Variants in UVRAG observed in about 807,000 individuals in gnomAD.
UVRAG encodes the protein UV radiation resistance-associated gene protein.
A neutral mutation model predicts 78.0 loss-of-function variants in UVRAG; 19 were observed. The observed-to-expected ratio is 0.24, with a 90% CI of 0.17 to 0.36. The LOEUF (loss-of-function observed/expected upper bound fraction) is 0.36, where lower values mean the gene tolerates loss of function less well. Among genes scored for constraint, UVRAG ranks in the 10% least tolerant of loss-of-function variants. UVRAG has a pLI of 1.00. For synonymous variants in UVRAG, 323 were observed against 324.6 expected, an observed-to-expected ratio of 1.00 and a Z score of 0.05; for missense variants, 740 against 853.8, an observed-to-expected ratio of 0.87 and a Z score of 1.66.
intron 2 of UVRAG, among the ~76,000 whole-genome samples, chr11:75,854,136 A>C (rs1470762721): frequency 6.6e-6 from 1 of 152,220 alleles, no homozygotes; most frequent in Non-Finnish European, 1.5e-5. Context: ...TATTGTAACA[A>C]ATACCACAAC....
At chr11:75,837,423 T>A (rs1430860061) in intron 1 of UVRAG, 1 of 152,148 alleles carries the variant, frequency 6.6e-6, no homozygotes, top group Non-Finnish European at 1.5e-5. Context: ...TCCTGTAGAC[T>A]TTAAATCATC....
rs116197701 is a variant in UVRAG at position 76,029,212 on chromosome 11, G to A, written c.1226+12232G>A. The stretch of plus-strand genomic sequence containing the variant: ...GGCCCCTGTTGAGACCTACGGCTCA[G>A]AAAAAAATATTCCTTTCAAAATATT... On this transcript the variant is annotated intron_variant, in intron 12 of 14. Coordinates refer to ENST00000356136, the MANE Select transcript of UVRAG (RefSeq NM_003369.4). Among the ~76,000 whole-genome samples the A allele has an allele frequency of 4.8e-3, 733 of 152,218 alleles. 4 individuals are homozygous for A. The highest frequency in any genetic ancestry group is 0.016 in the African/African-American group (682 of 41,544).
chr11:75,875,968 C>G (rs760299508), intron 3 of UVRAG, among the ~76,000 whole-genome samples: 7 of 152,038 alleles, frequency 4.6e-5, no homozygotes, highest in Non-Finnish European at 7.4e-5. Context: ...GAGCCCATGA[C>G]TTAGAGACCA....
intron 14 of UVRAG, among the ~76,000 whole-genome samples, chr11:76,120,569 C>T (rs1952255567): frequency 6.6e-6 from 1 of 152,170 alleles, no homozygotes. Context: ...ACCCATTAAG[C>T]TCCAAGCTCA....
chr11:76,003,100 A>G (rs1449954595), intron 8 of UVRAG, among the ~76,000 whole-genome samples: 1 of 151,910 alleles, frequency 6.6e-6, no homozygotes, highest in Non-Finnish European at 1.5e-5. Flanking sequence ...GAATTGAGGT[A>G]TGAGGGTATC....
intron 13 of UVRAG, among the ~76,000 whole-genome samples, chr11:76,079,529 T>A (rs543052442): frequency 6.6e-6 from 1 of 152,114 alleles, no homozygotes; most frequent in African/African-American, 2.4e-5. Context: ...ACAAATAGTA[T>A]GCTTATATAT....
chr11:76,107,748 A>G (rs11820213), intron 13 of UVRAG, among the ~76,000 whole-genome samples: 21,032 of 151,730 alleles, frequency 0.14, 3,756 homozygotes, highest in African/African-American at 0.42. Context: ...TGAAAGAATT[A>G]CGTTTTCTTC....
chr11:76,137,440 C>G (rs560495361), intron 14 of UVRAG: 28 of 456,094 alleles, frequency 6.1e-5, no homozygotes, highest in African/African-American at 1.6e-4. Flanking sequence ...TCTTGTTCAA[C>G]TTTTTTAAGA....
At chr11:76,119,816 C>T (rs1323662691) in intron 14 of UVRAG, among the ~76,000 whole-genome samples, 1 of 152,232 alleles carries the variant, frequency 6.6e-6, no homozygotes, top group Non-Finnish European at 1.5e-5. Flanking sequence ...GTCCACTCTC[C>T]AAAGTAGCCA....
At chr11:76,053,680 T>C (rs76827497) in intron 12 of UVRAG, among the ~76,000 whole-genome samples, 2,059 of 152,096 alleles carry the variant, frequency 0.014, 51 homozygotes, top group African/African-American at 0.047. Context: ...TAAAAAGTTA[T>C]TATCCTCCCA....
intron 6 of UVRAG, among the ~76,000 whole-genome samples, chr11:75,938,852 T>C (rs1368646188): frequency 6.6e-6 from 1 of 152,224 alleles, no homozygotes; most frequent in African/African-American, 2.4e-5. Context: ...TCTTCAGTAC[T>C]GTGCCCTGAG....
intron 1 of UVRAG, among the ~76,000 whole-genome samples, chr11:75,829,318 G>A (rs771443527): frequency 6.6e-6 from 1 of 152,140 alleles, no homozygotes; most frequent in Non-Finnish European, 1.5e-5. Flanking sequence ...TAAAAAATTA[G>A]AAAGCTGCTT....
chr11:75,927,986 C>T (rs1330515097), intron 6 of UVRAG, among the ~76,000 whole-genome samples: 1 of 152,036 alleles, frequency 6.6e-6, no homozygotes, highest in African/African-American at 2.4e-5. Context: ...CCTGTAGTCC[C>T]AGCTACTTGG....
intron 13 of UVRAG, 134 bp downstream of exon 13, chr11:76,065,922 T>C (rs749022552): frequency 1.7e-4 from 112 of 674,780 alleles, no homozygotes; most frequent in Non-Finnish European, 2.5e-4. Context: ...TAATACACAG[T>C]TCTTTTTTTT....
chr11:76,083,200 G>A (rs1951530455), intron 13 of UVRAG, among the ~76,000 whole-genome samples: 1 of 152,032 alleles, frequency 6.6e-6, no homozygotes, highest in Non-Finnish European at 1.5e-5. Flanking sequence ...AACCTTTCAG[G>A]TTTTTGTTAT....
At chr11:75,861,819 A>T in intron 3 of UVRAG, 39 bp downstream of exon 3, 2 of 1,538,392 alleles carry the variant, frequency 1.3e-6, no homozygotes, top group Non-Finnish European at 1.8e-6. Flanking sequence ...GACTAAGTAT[A>T]TACACCTGTT....
chr11:76,017,320 A>C (rs1013770674), intron 12 of UVRAG, among the ~76,000 whole-genome samples: 2 of 152,190 alleles, frequency 1.3e-5, no homozygotes, highest in Non-Finnish European at 2.9e-5. Context: ...AAATGTTAAA[A>C]GATTTGTCAG....
chr11:75,874,470 A>G (rs1162535670), intron 3 of UVRAG, among the ~76,000 whole-genome samples: 1 of 152,216 alleles, frequency 6.6e-6, no homozygotes, highest in Non-Finnish European at 1.5e-5. Context: ...TTTTGGTTGT[A>G]TATACAATTA....
chr11:76,014,050 A>G (rs1220579558), intron 11 of UVRAG, among the ~76,000 whole-genome samples: 2 of 152,058 alleles, frequency 1.3e-5, no homozygotes, highest in Non-Finnish European at 2.9e-5. Context: ...AGTGTGTGCT[A>G]TTTCTTTTTG....
Sources: gnomAD v4.1 joint callset for allele counts (sites outside exome capture counted in the v4.1 genomes callset) on GRCh38, gnomAD v4.1.1 for gene constraint, MANE v1.5 for transcripts, NCBI Gene and HGNC (gene_info 2026-07-23, HGNC 2026-07-21) for gene names.